The following PRKD1 variants were observed in gnomAD, a reference collection of about 807,000 sequenced individuals.
PRKD1 encodes serine/threonine-protein kinase D1.
A neutral mutation model predicts 95.9 loss-of-function variants in PRKD1; 63 were observed. The ratio of observed to expected loss-of-function variants is 0.66; its 90% CI spans 0.54 to 0.81. PRKD1 has a LOEUF of 0.81. Among genes scored for constraint, PRKD1 ranks in the 30% least tolerant of loss-of-function variants. The pLI, the probability that PRKD1 is intolerant of heterozygous loss-of-function variation, is 0.00. For synonymous variants in PRKD1, 425 were observed against 423.1 expected, an observed-to-expected ratio of 1.00 and a Z score of -0.05; for missense variants, 1,048 against 1,165.3, an observed-to-expected ratio of 0.90 and a Z score of 1.47.
chr14:29,725,616 G>A lies in PRKD1; in HGVS notation c.323C>T (p.Pro108Leu), dbSNP rs766662438. 5.0e-6 allele frequency: 8 copies of A among 1,613,686 alleles called. No individual in the cohort carries two copies. In the East Asian group the frequency reaches 1.6e-4, roughly 31 times the overall value. ...CAGCTGAAGGATGTTTTCAGAGGTAGGGTCATGGCGAAAAAGCAGGATCTT... is the reference window on the plus strand; with the variant it reads ...CAGCTGAAGGATGTTTTCAGAGGTAAGGTCATGGCGAAAAAGCAGGATCTT... ...YDKILLFRHD[P>L]TSENILQLVK... The change falls in exon 2 of 18, where the codon CCT becomes CTT. Residue 108 changes from proline to leucine, a missense_variant. Around this residue, in one of 3 missense-constraint regions of PRKD1, gnomAD observed 275 missense variants for 248.6 expected, o/e 1.11. Transcript: ENST00000331968.
intron 16 of PRKD1, among the ~76,000 whole-genome samples, chr14:29,596,346 C>T (rs1025331345): frequency 6.6e-6 from 1 of 152,162 alleles, no homozygotes; most frequent in African/African-American, 2.4e-5. Flanking sequence ...TAGATATTGC[C>T]TGTAAACTAG....
intron 1 of PRKD1, among the ~76,000 whole-genome samples, chr14:29,807,154 T>C (rs936673533): frequency 6.6e-6 from 1 of 152,150 alleles, no homozygotes; most frequent in South Asian, 2.1e-4. Context: ...CAGGCTCTTA[T>C]GAGAATCTGA....
At chr14:29,808,991 T>C (rs981017488) in intron 1 of PRKD1, among the ~76,000 whole-genome samples, 11 of 152,226 alleles carry the variant, frequency 7.2e-5, no homozygotes, top group African/African-American at 2.7e-4. Context: ...CAATAACACT[T>C]GAAAGTTGAA....
rs908960582 is a variant in PRKD1, at chr14:29,851,567, C to T, written c.264+75682G>A. On this transcript the variant is annotated intron_variant, in intron 1 of 17. Coordinates refer to ENST00000331968, the MANE Select transcript of PRKD1 (RefSeq NM_002742.3). Reference sequence around the variant, plus strand: ...ACACCAGTCAGAATGGCTATTATTACGAAGTCCAAAAATAACAGATGCTAA... The same window carrying T: ...ACACCAGTCAGAATGGCTATTATTATGAAGTCCAAAAATAACAGATGCTAA... Among the ~76,000 whole-genome samples, 8 of 152,006 alleles carry T rather than the reference C, an allele frequency of 5.3e-5. No homozygotes were observed. In the South Asian group the frequency reaches 6.2e-4, roughly 12 times the overall value.
intron 2 of PRKD1, among the ~76,000 whole-genome samples, chr14:29,667,550 C>T (rs1405827266): frequency 1.3e-5 from 2 of 152,120 alleles, no homozygotes; most frequent in African/African-American, 2.4e-5. Flanking sequence ...GGGTGCCAAT[C>T]ACCTACTTTG....
intron 1 of PRKD1, among the ~76,000 whole-genome samples, chr14:29,810,141 T>C (rs533992098): frequency 6.6e-6 from 1 of 152,258 alleles, no homozygotes; most frequent in South Asian, 2.1e-4. Flanking sequence ...ACAATTACAA[T>C]AGTAATTACA....
At chr14:29,643,322 T>C (rs1199078731) in intron 4 of PRKD1, among the ~76,000 whole-genome samples, 2 of 152,206 alleles carry the variant, frequency 1.3e-5, no homozygotes, top group South Asian at 2.1e-4. Flanking sequence ...AACGTAATGA[T>C]GAAAGTTGTA....
intron 1 of PRKD1, among the ~76,000 whole-genome samples, chr14:29,868,778 C>A (rs1893000326): frequency 6.6e-6 from 1 of 152,208 alleles, no homozygotes; most frequent in South Asian, 2.1e-4. Context: ...CAAATGTTTT[C>A]ATGGAACAAT....
chr14:29,630,713 T>A, intron 10 of PRKD1, 29 bp downstream of exon 10: 1 of 1,613,794 alleles, frequency 6.2e-7, no homozygotes, highest in Non-Finnish European at 8.5e-7. Flanking sequence ...TGATGAGCTT[T>A]GGGCTGGTTA....
At chr14:29,680,655 C>T (rs1199967837) in intron 2 of PRKD1, among the ~76,000 whole-genome samples, 1 of 152,080 alleles carries the variant, frequency 6.6e-6, no homozygotes, top group Non-Finnish European at 1.5e-5. Flanking sequence ...AAGTTTTAGA[C>T]CCACAGTTGA....
intron 1 of PRKD1, among the ~76,000 whole-genome samples, chr14:29,819,002 G>A (rs1890801534): frequency 6.6e-6 from 1 of 151,280 alleles, no homozygotes; most frequent in Non-Finnish European, 1.5e-5. Flanking sequence ...CTTATTAAAA[G>A]GGGGTGGGGG....
chr14:29,592,732 A>G (rs1172664931), intron 16 of PRKD1: 1 of 152,158 alleles, frequency 6.6e-6, no homozygotes. Context: ...TAGCATCACC[A>G]TATCAGAAAA....
intron 1 of PRKD1, among the ~76,000 whole-genome samples, chr14:29,846,046 T>C (rs1157313892): frequency 6.6e-6 from 1 of 152,192 alleles, no homozygotes. Context: ...GGAAATATAC[T>C]ATACATACAT....
At chr14:29,625,690 G>A (rs1879573632) in intron 12 of PRKD1, among the ~76,000 whole-genome samples, 1 of 152,018 alleles carries the variant, frequency 6.6e-6, no homozygotes, top group Non-Finnish European at 1.5e-5. Context: ...CATTTTATAA[G>A]ACTCAACATT....
chr14:29,662,541 G>A (rs930858450), intron 4 of PRKD1, among the ~76,000 whole-genome samples: 2 of 152,026 alleles, frequency 1.3e-5, no homozygotes, highest in African/African-American at 4.8e-5. Flanking sequence ...ACTTAGTGAT[G>A]TACTGAAAAC....
chr14:29,695,368 AG>A (rs1288053366), intron 2 of PRKD1, among the ~76,000 whole-genome samples: 1 of 152,188 alleles, frequency 6.6e-6, no homozygotes, highest in Non-Finnish European at 1.5e-5. Context: ...TTGTATCAGG[AG>A]AAATGTGCTT....
chr14:29,585,551 A>G lies in PRKD1; in HGVS notation c.2435-7191T>C, dbSNP rs551570986. Among the ~76,000 whole-genome samples, 15 of 152,310 alleles carry G rather than the reference A, an allele frequency of 9.8e-5. No individual in the cohort carries two copies. The South Asian group carries it at 2.7e-3, about 27-fold the overall frequency. Reference sequence around the variant, plus strand: ...TGAAGCCCAATTGATTCAAAATTTAAAGAAGAAATCAAAATATATTTATAT... The same window carrying G: ...TGAAGCCCAATTGATTCAAAATTTAGAGAAGAAATCAAAATATATTTATAT... On this transcript the variant is annotated intron_variant, in intron 16 of 17. Coordinates refer to ENST00000331968, the MANE Select transcript of PRKD1 (RefSeq NM_002742.3).
At chr14:29,578,844 G>GA (rs1432775240) in intron 16 of PRKD1, among the ~76,000 whole-genome samples, 13 of 152,008 alleles carry the variant, frequency 8.6e-5, no homozygotes, top group African/African-American at 2.9e-4. Context: ...TATTTGTATG[G>GA]AAAAAATGCA....
At position 29,700,986 on chromosome 14, in the gene PRKD1, G is replaced by GCACACACACACACA. The variant is rs779729017; in HGVS notation, c.403+24549_403+24550insTGTGTGTGTGTGTG. Among the ~76,000 whole-genome samples the GCACACACACACACA allele has an allele frequency of 8.9e-3, 465 of 52,314 alleles. 4 individuals are homozygous for GCACACACACACACA. Among genetic ancestry groups the GCACACACACACACA allele is most frequent in the African/African-American group, 0.027 (426 of 15,650 alleles). 34.3% of individuals were successfully genotyped at this position (52,314 alleles called of 152,430 possible). A position where few individuals can be genotyped will look rare whatever the true frequency, so the allele number is the denominator to read the frequency against. On this transcript the variant is annotated intron_variant, in intron 2 of 17. Coordinates refer to ENST00000331968, the MANE Select transcript of PRKD1 (RefSeq NM_002742.3). ...TGTACGCGTGCGCATGCGCGCGCGCGCGCACACACACACACACACACCCTG... is the reference window on the plus strand; with the variant it reads ...TGTACGCGTGCGCATGCGCGCGCGCGCACACACACACACACGCACACACACACACACACACCCTG...
Sources: gnomAD v4.1 joint callset for allele counts (sites outside exome capture counted in the v4.1 genomes callset) on GRCh38, gnomAD v4.1.1 for gene constraint, gnomAD v4.1.1 regional missense constraint, MANE v1.5 for transcripts, NCBI Gene and HGNC (gene_info 2026-07-23, HGNC 2026-07-21) for gene names.